Variants in RPN1 observed in about 807,000 individuals in gnomAD.
RPN1 encodes dolichyl-diphosphooligosaccharide--protein glycosyltransferase subunit 1.
In RPN1, 12 loss-of-function variants were observed where a neutral mutation model predicts 55.5. The observed-to-expected ratio is 0.22, with a 90% CI of 0.14 to 0.35. RPN1 has a LOEUF of 0.35. Ranked by LOEUF, RPN1 falls within the 10% of genes least tolerant of loss-of-function variation. The pLI is 1.00. For missense variants in RPN1, 679 were observed against 761.3 expected, an observed-to-expected ratio of 0.89 and a Z score of 1.27; for synonymous variants, 317 against 305.9, an observed-to-expected ratio of 1.04 and a Z score of -0.38.
intron 4 of RPN1, among the ~76,000 whole-genome samples, chr3:128,630,560 A>G (rs1377638005): frequency 2.0e-5 from 3 of 152,206 alleles, no homozygotes; most frequent in Non-Finnish European, 2.9e-5. Flanking sequence ...CAAATCTGTC[A>G]GTGTATTTTG....
chr3:128,624,490 A>C (rs1313507819), intron 8 of RPN1, among the ~76,000 whole-genome samples: 1 of 150,792 alleles, frequency 6.6e-6, no homozygotes, highest in African/African-American at 2.4e-5. Context: ...AGGAAAAAAA[A>C]AAAAGAAAAC....
chr3:128,629,380 G>T (rs544812536), intron 5 of RPN1, among the ~76,000 whole-genome samples: 1 of 152,246 alleles, frequency 6.6e-6, no homozygotes, highest in African/African-American at 2.4e-5. Context: ...GGCCAACATG[G>T]TGAAACCCCA....
Position 128,629,387 on chromosome 3 carries a change from C to T in RPN1, c.1036+564G>A, listed in dbSNP as rs149926735. ...ACCAACCTGGCCAACATGGTGAAAC[C>T]CCATCTCTACTAGAAATACAAAAAA... On this transcript the variant is annotated intron_variant, in intron 5 of 9. Coordinates refer to ENST00000296255, the MANE Select transcript of RPN1 (RefSeq NM_002950.4). 1.5e-4 allele frequency among the ~76,000 whole-genome samples: 23 copies of T among 152,052 alleles called. No individual in the cohort carries two copies. The East Asian group carries it at 4.5e-3, about 29-fold the overall frequency.
At chr3:128,649,445 G>T (rs1559759315) in intron 1 of RPN1, among the ~76,000 whole-genome samples, 2 of 152,160 alleles carry the variant, frequency 1.3e-5, no homozygotes. Context: ...ACAAGCCTTT[G>T]AGTAAAACTT....
Position 128,622,271 on chromosome 3 carries a change from G to A in RPN1, c.1534C>T (p.Leu512Phe). ...TCCAGGCTCTTCTTGCCACTGTTGAGGGTGGAGATGTCCCGGGATTGCTTG... is the reference window on the plus strand; with the variant it reads ...TCCAGGCTCTTCTTGCCACTGTTGAAGGTGGAGATGTCCCGGGATTGCTTG... ...RYKQSRDIST[L>F]NSGKKSLETE... Residue 512 changes from leucine to phenylalanine, a missense_variant, in exon 9 of 10, where the codon CTC (leucine) becomes TTC (phenylalanine). Leu to Phe is a conservative substitution (Grantham distance 22). Around this residue, in one of 3 missense-constraint regions of RPN1, gnomAD observed 306 missense variants for 360.0 expected, o/e 0.85. Transcript: ENST00000296255. 3 of 1,614,258 alleles carry A rather than the reference G, an allele frequency of 1.9e-6. No individual in the cohort carries two copies. The highest frequency in any genetic ancestry group is 2.5e-6 in the Non-Finnish European group (3 of 1,180,050).
intron 2 of RPN1, chr3:128,641,117 G>C (rs1435576320): frequency 6.7e-6 from 1 of 150,340 alleles, no homozygotes; most frequent in Non-Finnish European, 1.5e-5. Context: ...TTTTCCTAAA[G>C]CTCTTCTCTA....
In RPN1 at chr3:128,629,970, A is replaced by G. The variant is rs2069629760; in HGVS notation, c.1017T>C (p.Tyr339=). The change falls in exon 5 of 10, where the codon TAT becomes TAC. Residue 339 remains tyrosine (Y), a synonymous_variant. Transcript: ENST00000296255. ...HYIVGYNLPS[Y]EYLYNLGDQY... is the part of the protein sequence containing the mutation. ...ACTGACCCAAATTATAGAGGTACTC[A>G]TAGCTTGGGAGGTTGTAGCCAACGA... 1.9e-6 allele frequency: 3 copies of G among 1,609,598 alleles called. No homozygotes were observed. In the East Asian group the frequency reaches 6.7e-5, roughly 36 times the overall value.
At chr3:128,647,128 T>C (rs894424734) in intron 1 of RPN1, among the ~76,000 whole-genome samples, 1 of 151,996 alleles carries the variant, frequency 6.6e-6, no homozygotes, top group Non-Finnish European at 1.5e-5. Flanking sequence ...AGTAGTTATC[T>C]CCAATCATAA....
At chr3:128,650,519 C>T (rs943142271) in intron 1 of RPN1, 21 bp downstream of exon 1, 9 of 1,518,416 alleles carry the variant, frequency 5.9e-6, no homozygotes, top group Non-Finnish European at 7.9e-6. Context: ...GGAGCGGCGG[C>T]GAGGGGTCGC....
intron 8 of RPN1, among the ~76,000 whole-genome samples, chr3:128,624,605 C>T (rs991724365): frequency 6.6e-6 from 1 of 152,192 alleles, no homozygotes; most frequent in Non-Finnish European, 1.5e-5. Context: ...TCACAAACAT[C>T]AGCCCCTCCA....
intron 1 of RPN1, among the ~76,000 whole-genome samples, chr3:128,649,025 C>T (rs985839486): frequency 6.6e-6 from 1 of 152,112 alleles, no homozygotes; most frequent in Non-Finnish European, 1.5e-5. Context: ...AAAATACCCA[C>T]CATAATATCT....
chr3:128,650,466 C>G (rs2069808950), intron 1 of RPN1, 74 bp downstream of exon 1: 1 of 1,413,506 alleles, frequency 7.1e-7, no homozygotes, highest in Non-Finnish European at 9.4e-7. Context: ...GGGGCGCGGG[C>G]GGAGTCGGGG....
Position 128,619,979 on chromosome 3 carries a change from A to C in RPN1, c.*432T>G, listed in dbSNP as rs2069545944. The C allele has an allele frequency of 9.4e-6, 2 of 212,186 alleles. No homozygotes were observed. Among genetic ancestry groups the C allele is most frequent in the East Asian group, 1.4e-4 (2 of 14,058 alleles). The allele number at this position is 212,186 out of a possible 1,614,324, so 13.1% of individuals were successfully genotyped here. On this transcript the variant is annotated 3_prime_UTR_variant, in exon 10 of 10. Transcript: ENST00000296255. The stretch of plus-strand genomic sequence containing the variant: ...CAACAGACCAAAAACAAATGTTCAC[A>C]GTCCCTGCTTTATTTCCATTTGTTC...
At chr3:128,646,532 C>T (rs1283779660) in intron 1 of RPN1, among the ~76,000 whole-genome samples, 1 of 151,698 alleles carries the variant, frequency 6.6e-6, no homozygotes, top group Non-Finnish European at 1.5e-5. Context: ...CTAAAAAATA[C>T]AACAATTAGC....
intron 1 of RPN1, among the ~76,000 whole-genome samples, chr3:128,646,911 T>G (rs2069772835): frequency 1.3e-5 from 2 of 151,352 alleles, no homozygotes; most frequent in South Asian, 4.2e-4. Context: ...AGGCAGAGGT[T>G]GCAGTGAGCT....
intron 3 of RPN1, among the ~76,000 whole-genome samples, chr3:128,636,568 A>C (rs1264885363): frequency 1.3e-5 from 2 of 152,150 alleles, no homozygotes; most frequent in Admixed American, 6.6e-5. Context: ...ACATGTTCTA[A>C]ACACACAGAG....
rs1256988129 is a variant in RPN1, at chr3:128,637,925, C to A, written c.507G>T (p.Lys169Asn). ...NHYFYSPYPT[K>N]TQTMRVKLAS... ...CAAGCTTCACACGCATGGTTTGTGTCTTCGTTGGATAGGGAGAGTAGAAAT... is the reference window on the plus strand; with the variant it reads ...CAAGCTTCACACGCATGGTTTGTGTATTCGTTGGATAGGGAGAGTAGAAAT... Residue 169 changes from lysine to asparagine, a missense_variant, in exon 3 of 10, where the codon AAG becomes AAT. Transcript: ENST00000296255. 2 of 1,614,090 alleles carry A rather than the reference C, an allele frequency of 1.2e-6. No individual in the cohort carries two copies. Among genetic ancestry groups the A allele is most frequent in the Non-Finnish European group, 1.7e-6 (2 of 1,180,050 alleles).
Position 128,627,962 on chromosome 3 carries a change from A to G in RPN1, c.1037-1130T>C, listed in dbSNP as rs530752435. ...TCATGCAAGAACAATGTAAACAATA[A>G]TTAGAAAAATTCAGGCCGGGCGCGG... is the stretch of plus-strand genomic sequence containing the variant. On this transcript the variant is annotated intron_variant, in intron 5 of 9. Coordinates refer to ENST00000296255, the MANE Select transcript of RPN1 (RefSeq NM_002950.4). Among the ~76,000 whole-genome samples the G allele has an allele frequency of 3.3e-5, 5 of 152,386 alleles. No homozygotes were observed. In the South Asian group the frequency reaches 1.0e-3, roughly 32 times the overall value.
chr3:128,633,771 T>C (rs1328545211), intron 3 of RPN1, among the ~76,000 whole-genome samples: 1 of 151,608 alleles, frequency 6.6e-6, no homozygotes, highest in Non-Finnish European at 1.5e-5. Context: ...GATCACAAGG[T>C]CAGAAGTTTG....
Sources: allele counts gnomAD v4.1 joint callset (sites outside exome capture counted in the v4.1 genomes callset), GRCh38; gene constraint gnomAD v4.1.1; regional missense constraint gnomAD v4.1.1; transcripts MANE v1.5; gene names NCBI Gene and HGNC (gene_info 2026-07-23, HGNC 2026-07-21).